The following PI4KA variants were observed in gnomAD, a reference collection of about 807,000 sequenced individuals.
PI4KA encodes phosphatidylinositol 4-kinase alpha, also known as PI4-kinase alpha.
PI4KA carries 122 observed loss-of-function variants against 271.4 expected under a neutral mutation model. That is an observed-to-expected ratio of 0.45 (90% CI 0.39 to 0.52). The LOEUF (loss-of-function observed/expected upper bound fraction) is 0.52, where lower values mean the gene tolerates loss of function less well. PI4KA is among the 20% of genes least tolerant of loss of function. The probability of loss-of-function intolerance (pLI) is 0.00; values close to 1 mark genes in which losing one functional copy is unlikely to be tolerated. For missense variants in PI4KA, 1,969 were observed against 2,769.1 expected (o/e 0.71, Z 6.48); for synonymous variants, 1,041 against 1,078.8 (o/e 0.96, Z 0.69).
intron 12 of PI4KA, 146 bp from the exon 13 acceptor site, chr22:20,803,466 C>G (rs1472849759): frequency 2.5e-6 from 2 of 803,022 alleles, no homozygotes; most frequent in Non-Finnish European, 4.0e-6. Flanking sequence ...CTGCCCAGGA[C>G]ATAAAAAGAT....
chr22:20,828,162 T>C (rs766658628), intron 3 of PI4KA, among the ~76,000 whole-genome samples: 15 of 152,168 alleles, frequency 9.9e-5, no homozygotes, highest in African/African-American at 1.4e-4. Context: ...AGCTTGGATG[T>C]TGTTGGTGTA....
At chr22:20,738,728 A>C (rs1426305716) in intron 32 of PI4KA, among the ~76,000 whole-genome samples, 2 of 152,144 alleles carry the variant, frequency 1.3e-5, no homozygotes, top group Admixed American at 6.5e-5. Flanking sequence ...CAGGAAGTGC[A>C]AGCTGGACTC....
intron 20 of PI4KA, 61 bp from the exon 21 acceptor site, chr22:20,765,297 T>G (rs1932421891): frequency 6.7e-7 from 1 of 1,497,862 alleles, no homozygotes; most frequent in Admixed American, 2.0e-5. Flanking sequence ...GCAGTGAGGT[T>G]GACTGACAAT....
At chr22:20,708,184 TCAGCCCCTTATGGCTGCC>T (rs1924748354) in intron 54 of PI4KA, 86 bp from the exon 55 acceptor site, 1 of 1,042,166 alleles carries the variant, frequency 9.6e-7, no homozygotes, top group African/African-American at 1.6e-5. Context: ...ACCTGTCCAA[TCAGCCCCTTATGGCTGCC>T]CAGCACCTGA....
chr22:20,742,676 T>C lies in PI4KA; in HGVS notation c.3545A>G (p.Asp1182Gly), dbSNP rs1042512993. 5 of 1,614,024 alleles carry C rather than the reference T, an allele frequency of 3.1e-6. No homozygotes were observed. The Admixed American group carries it at 8.3e-5, about 27-fold the overall frequency. Residue 1182 changes from aspartate to glycine, a missense_variant, in exon 31 of 55, where the codon GAC (aspartate) becomes GGC (glycine). Coordinates refer to ENST00000255882, the MANE Select transcript of PI4KA (RefSeq NM_058004.4). ...CGTGTAGTGCTGAGGATGACTGCGGTCTAAAGCTGAATGTAGATCCTGGAC... is the reference window on the plus strand; with the variant it reads ...CGTGTAGTGCTGAGGATGACTGCGGCCTAAAGCTGAATGTAGATCCTGGAC... ...MMVQDLHSAL[D>G]RSHPQHYTQA...
chr22:20,809,131 A>G (rs1425922989), intron 9 of PI4KA, among the ~76,000 whole-genome samples: 1 of 152,158 alleles, frequency 6.6e-6, no homozygotes, highest in African/African-American at 2.4e-5. Context: ...GGAGAGGTTA[A>G]AGCAGTTCAG....
At chr22:20,754,512 T>A (rs1931060665) in intron 23 of PI4KA, among the ~76,000 whole-genome samples, 1 of 152,248 alleles carries the variant, frequency 6.6e-6, no homozygotes, top group African/African-American at 2.4e-5. Context: ...ATTGATATTT[T>A]GGGGAAGATA....
At chr22:20,794,932 G>A (rs1398983593) in intron 18 of PI4KA, among the ~76,000 whole-genome samples, 1 of 152,214 alleles carries the variant, frequency 6.6e-6, no homozygotes, top group Non-Finnish European at 1.5e-5. Context: ...GAAGCTGTAT[G>A]GCCTGCAAAG....
intron 19 of PI4KA, 134 bp downstream of exon 19, chr22:20,793,059 G>A (rs1301888945): frequency 7.8e-6 from 5 of 644,272 alleles, no homozygotes; most frequent in African/African-American, 5.5e-5. Flanking sequence ...GGTGATGGCT[G>A]CAGCAGTCAC....
At chr22:20,725,596 C>T (rs1927248258) in intron 42 of PI4KA, 1 of 444,858 alleles carries the variant, frequency 2.2e-6, no homozygotes, top group South Asian at 1.6e-5. Flanking sequence ...GAGAAGATGG[C>T]TATCAATAAG....
At chr22:20,754,909 C>G (rs1454839462) in intron 23 of PI4KA, among the ~76,000 whole-genome samples, 3 of 152,196 alleles carry the variant, frequency 2.0e-5, no homozygotes, top group South Asian at 4.1e-4. Flanking sequence ...GATCATGCCA[C>G]TGCACTCCAG....
intron 22 of PI4KA, among the ~76,000 whole-genome samples, chr22:20,762,265 G>A (rs1337549186): frequency 2.0e-5 from 3 of 152,164 alleles, no homozygotes; most frequent in Admixed American, 2.0e-4. Flanking sequence ...AGCCTCAGGA[G>A]GGCAGGCCAG....
chr22:20,853,124 G>T (rs1446576118), intron 1 of PI4KA, among the ~76,000 whole-genome samples: 1 of 152,172 alleles, frequency 6.6e-6, no homozygotes, highest in Non-Finnish European at 1.5e-5. Flanking sequence ...CAGGATTCTG[G>T]CATTCTAACT....
chr22:20,823,323 A>G (rs1463357291), intron 4 of PI4KA, among the ~76,000 whole-genome samples: 2 of 152,200 alleles, frequency 1.3e-5, no homozygotes, highest in Non-Finnish European at 2.9e-5. Flanking sequence ...ACTTTTTAAT[A>G]AAAACACATT....
chr22:20,728,332 A>T (rs557120671), intron 39 of PI4KA, among the ~76,000 whole-genome samples: 1 of 152,382 alleles, frequency 6.6e-6, no homozygotes, highest in African/African-American at 2.4e-5. Context: ...AGTAGGTCTG[A>T]ACATTAGTGT....
intron 30 of PI4KA, chr22:20,742,968 T>C: frequency 1.8e-6 from 1 of 566,558 alleles, no homozygotes; most frequent in Non-Finnish European, 3.2e-6. Context: ...ACAGCTCCTC[T>C]AGAAATGCAT....
chr22:20,748,897 G>A (rs371774099), intron 28 of PI4KA, among the ~76,000 whole-genome samples: 190 of 152,302 alleles, frequency 1.2e-3, no homozygotes, highest in Non-Finnish European at 2.2e-3. Context: ...GCACACTGCA[G>A]GGGAAGTGAA....
chr22:20,729,239 T>G, intron 39 of PI4KA, 74 bp downstream of exon 39: 1 of 1,345,222 alleles, frequency 7.4e-7, no homozygotes, highest in Admixed American at 2.1e-5. Context: ...TGAGAACTCA[T>G]GACCCAGCTG....
chr22:20,784,345 T>A, intron 19 of PI4KA: 1 of 1,510,504 alleles, frequency 6.6e-7, no homozygotes, highest in Admixed American at 1.9e-5. Flanking sequence ...GAGAATTATG[T>A]ACAAGTACCC....
Sources: allele counts gnomAD v4.1 joint callset (sites outside exome capture counted in the v4.1 genomes callset), GRCh38; gene constraint gnomAD v4.1.1; transcripts MANE v1.5; gene names NCBI Gene and HGNC (gene_info 2026-07-23, HGNC 2026-07-21).